Variants in URB2 observed in about 807,000 individuals in gnomAD.
URB2 encodes unhealthy ribosome biogenesis protein 2 homolog.
In URB2, 86 loss-of-function variants were observed where a neutral mutation model predicts 120.9. The observed-to-expected ratio is 0.71, with a 90% CI of 0.60 to 0.85. URB2 has a LOEUF of 0.85. Among genes scored for constraint, URB2 ranks in the 40% least tolerant of loss-of-function variants. The probability of loss-of-function intolerance (pLI) is 0.00; values close to 1 mark genes in which losing one functional copy is unlikely to be tolerated. For synonymous variants in URB2, 755 were observed against 758.4 expected (o/e 1.00, Z 0.07); for missense variants, 1,765 against 1,836.5 (o/e 0.96, Z 0.71).
Position 229,636,636 on chromosome 1 carries a change from G to C in URB2, c.2023G>C (p.Glu675Gln), listed in dbSNP as rs142412875. The C allele has an allele frequency of 4.0e-5, 65 of 1,614,074 alleles. No homozygotes were observed. Among genetic ancestry groups the C allele is most frequent in the African/African-American group, 1.2e-4 (9 of 74,948 alleles). Residue 675 changes from glutamate to glutamine, a missense_variant, in exon 4 of 10, where the codon GAA (glutamate) becomes CAA (glutamine). By Grantham distance (29) the Glu-to-Gln change is conservative. Coordinates refer to ENST00000258243, the MANE Select transcript of URB2 (RefSeq NM_014777.4). ...CAGCTCTCTTGGTACATATTGCTTA[G>C]AACAGCTGTACCTGCAGAAAATGAA... ...QFSSLGTYCL[E>Q]QLYLQKMKRT...
chr1:229,626,665 C>T (rs1346890828), intron 1 of URB2, among the ~76,000 whole-genome samples: 1 of 152,234 alleles, frequency 6.6e-6, no homozygotes, highest in African/African-American at 2.4e-5. Context: ...TCGCATTGCC[C>T]GGTAAGGGCG....
chr1:229,636,788 C>G lies in URB2; in HGVS notation c.2175C>G (p.Gly725=), dbSNP rs980910337. 4 of 1,612,136 alleles carry G rather than the reference C, an allele frequency of 2.5e-6. No homozygotes were observed. In the African/African-American group the frequency reaches 5.3e-5, roughly 22 times the overall value. The change falls in exon 4 of 10, where the codon GGC becomes GGG. Residue 725 remains glycine, a synonymous_variant. Coordinates refer to ENST00000258243, the MANE Select transcript of URB2 (RefSeq NM_014777.4). The stretch of plus-strand genomic sequence containing the variant: ...AGAGAACGACGGCTTCCTGGGATGG[C>G]CAAGTTGGGATGGTGAGTGGACTCA... ...LNQRTTASWD[G]QVGMVSGLTY...
chr1:229,649,283 C>T (rs1263104850), intron 7 of URB2, among the ~76,000 whole-genome samples: 1 of 152,172 alleles, frequency 6.6e-6, no homozygotes, highest in Non-Finnish European at 1.5e-5. Context: ...CTAAAGCCTT[C>T]CCCTGTTAAC....
At position 229,638,274 on chromosome 1, in the gene URB2, C is replaced by T; in HGVS notation, c.3634+27C>T. ...TAAGATATTTTCTCTTGAGCTAATT[C>T]TGTGTTATAGAGGTCTGGTTTCCAC... is the stretch of plus-strand genomic sequence containing the variant. On this transcript the variant is annotated intron_variant, in intron 4 of 9. Coordinates refer to ENST00000258243, the MANE Select transcript of URB2 (RefSeq NM_014777.4). The T allele has an allele frequency of 2.6e-6, 4 of 1,560,200 alleles. No individual in the cohort carries two copies. The South Asian group carries it at 3.6e-5, about 14-fold the overall frequency.
intron 8 of URB2, among the ~76,000 whole-genome samples, chr1:229,654,025 C>G (rs193157192): frequency 1.1e-4 from 17 of 150,474 alleles, no homozygotes. Context: ...TAAAAACACC[C>G]GAGCACTCTT....
chr1:229,652,499 A>T (rs1666304281), intron 8 of URB2, among the ~76,000 whole-genome samples: 1 of 152,232 alleles, frequency 6.6e-6, no homozygotes, highest in Non-Finnish European at 1.5e-5. Context: ...CATTGTTAAG[A>T]CTAGGCTTCA....
intron 9 of URB2, among the ~76,000 whole-genome samples, chr1:229,655,780 A>G (rs1666393034): frequency 1.3e-5 from 2 of 152,166 alleles, no homozygotes; most frequent in South Asian, 4.1e-4. Flanking sequence ...CCCCTTTGTA[A>G]ATCTTGTAAG....
rs1383189435 is a variant in URB2, at chr1:229,635,814, G to T, written c.1201G>T (p.Ala401Ser). 1 of 1,614,152 alleles carries T rather than the reference G, an allele frequency of 6.2e-7. No homozygotes were observed. Among genetic ancestry groups the T allele is most frequent in the Non-Finnish European group, 8.5e-7 (1 of 1,179,992 alleles). The part of the protein sequence containing the change: ...RHVAELLINH[A>S]QAPIPAWFRC... ...CGTGGCTGAGCTGCTGATAAACCAT[G>T]CACAAGCACCCATACCGGCCTGGTT... The change falls in exon 4 of 10, where the codon GCA becomes TCA. Residue 401 changes from alanine to serine, a missense_variant. Transcript: ENST00000258243.
At chr1:229,641,497 G>A (rs1666011401) in intron 4 of URB2, among the ~76,000 whole-genome samples, 1 of 152,182 alleles carries the variant, frequency 6.6e-6, no homozygotes, top group Non-Finnish European at 1.5e-5. Context: ...TGAGCTGTTA[G>A]ATACTGTCCA....
rs376369959 is a variant in URB2, at chr1:229,632,985, C to G, written c.303+540C>G. The stretch of plus-strand genomic sequence containing the variant: ...GTGTGTTTAAATACCATGAGAATAG[C>G]TAGATACAATAAAAACTACTACTAG... On this transcript the variant is annotated intron_variant, in intron 3 of 9. Coordinates refer to ENST00000258243, the MANE Select transcript of URB2 (RefSeq NM_014777.4). 1.4e-4 allele frequency among the ~76,000 whole-genome samples: 22 copies of G among 152,336 alleles called. No homozygotes were observed. In the East Asian group the frequency reaches 4.0e-3, roughly 28 times the overall value.
At position 229,636,656 on chromosome 1, in the gene URB2, A is replaced by G; in HGVS notation, c.2043A>G (p.Lys681=). ...GCTTAGAACAGCTGTACCTGCAGAA[A>G]ATGAAAAGGACTTTAATGCAAACTA... is the stretch of plus-strand genomic sequence containing the variant. ...TYCLEQLYLQ[K]MKRTLMQTSF... Residue 681 remains lysine, a synonymous_variant, in exon 4 of 10, where the codon AAA becomes AAG. Transcript: ENST00000258243. The G allele has an allele frequency of 6.2e-7, 1 of 1,614,252 alleles. No individual in the cohort carries two copies. Among genetic ancestry groups the G allele is most frequent in the Non-Finnish European group, 8.5e-7 (1 of 1,180,050 alleles).
intron 1 of URB2, among the ~76,000 whole-genome samples, chr1:229,626,581 C>T (rs1313122932): frequency 6.6e-6 from 1 of 152,264 alleles, no homozygotes; most frequent in East Asian, 1.9e-4. Flanking sequence ...AGCTGCTCTC[C>T]CCTGGTTCTT....
chr1:229,635,850 A>AAG lies in URB2; in HGVS notation c.1239_1240dup (p.Thr414ArgfsTer3). On this transcript the variant is annotated frameshift_variant, in exon 4 of 10. Coordinates refer to ENST00000258243, the MANE Select transcript of URB2 (RefSeq NM_014777.4). LOFTEE classifies it high-confidence loss of function. ...CATACCGGCCTGGTTCCGCTGTCTG[A>AAG]AGACTTTGATATCTCTGAATCATTT... 6.2e-7 allele frequency: 1 copy of AAG among 1,614,114 alleles called. No homozygotes were observed. Among genetic ancestry groups the AAG allele is most frequent in the African/African-American group, 1.3e-5 (1 of 75,058 alleles).
chr1:229,632,110 C>T (rs1418747206), intron 2 of URB2, among the ~76,000 whole-genome samples, 159 bp from the exon 3 acceptor site: 7 of 152,116 alleles, frequency 4.6e-5, no homozygotes, highest in Admixed American at 1.3e-4. Flanking sequence ...TACCAGAACA[C>T]GTAAGTAATA....
chr1:229,630,791 C>T (rs1319899959), intron 2 of URB2, among the ~76,000 whole-genome samples: 3 of 151,956 alleles, frequency 2.0e-5, no homozygotes, highest in Non-Finnish European at 2.9e-5. Flanking sequence ...CGTTCGAGAC[C>T]AGTCTAGCCA....
At chr1:229,648,400 T>G (rs1008905029) in intron 7 of URB2, among the ~76,000 whole-genome samples, 8 of 152,180 alleles carry the variant, frequency 5.3e-5, no homozygotes, top group African/African-American at 1.9e-4. Flanking sequence ...GCTCACCACG[T>G]CTTTAAATAA....
intron 2 of URB2, among the ~76,000 whole-genome samples, chr1:229,628,549 T>C (rs1429927839): frequency 6.6e-6 from 1 of 152,178 alleles, no homozygotes; most frequent in Non-Finnish European, 1.5e-5. Context: ...TGAAAGTCCA[T>C]TGATAGCTGC....
At chr1:229,649,606 GGTT>G (rs1666223323) in intron 7 of URB2, among the ~76,000 whole-genome samples, 1 of 152,262 alleles carries the variant, frequency 6.6e-6, no homozygotes, top group South Asian at 2.1e-4. Context: ...CATCTGTTGG[GGTT>G]GTGTAGGGAA....
At position 229,636,841 on chromosome 1, in the gene URB2, T is replaced by C. The variant is rs1223748485; in HGVS notation, c.2228T>C (p.Ile743Thr). 1 of 1,611,492 alleles carries C rather than the reference T, an allele frequency of 6.2e-7. No individual in the cohort carries two copies. Among genetic ancestry groups the C allele is most frequent in the Middle Eastern group, 1.7e-4 (1 of 6,052 alleles). The change falls in exon 4 of 10, where the codon ATT becomes ACT. Residue 743 changes from isoleucine to threonine, a missense_variant. Coordinates refer to ENST00000258243, the MANE Select transcript of URB2 (RefSeq NM_014777.4). ...LTYPVAHWHL[I>T]VSNLTILISY... ...TACCCTGTAGCACACTGGCACTTGA[T>C]TGTGTCAAATCTCACAATTTTAATA...
Sources: gnomAD v4.1 joint callset for allele counts (sites outside exome capture counted in the v4.1 genomes callset) on GRCh38, gnomAD v4.1.1 for gene constraint, MANE v1.5 for transcripts, NCBI Gene and HGNC (gene_info 2026-07-23, HGNC 2026-07-21) for gene names.